Variants in GRM7 observed in about 807,000 individuals in gnomAD.
The protein encoded by GRM7 is glutamate metabotropic receptor 7.
A neutral mutation model predicts 84.5 loss-of-function variants in GRM7; 35 were observed. The observed-to-expected ratio is 0.41, with a 90% CI of 0.32 to 0.55. The LOEUF (loss-of-function observed/expected upper bound fraction) is 0.55. GRM7 is among the 20% of genes least tolerant of loss of function. The probability of loss-of-function intolerance (pLI) is 0.19; values close to 1 mark genes in which losing one functional copy is unlikely to be tolerated. For synonymous variants in GRM7, 487 were observed against 455.1 expected (o/e 1.07, Z -0.89); for missense variants, 1,003 against 1,194.6 (o/e 0.84, Z 2.36).
chr3:7,222,350 G>T (rs1051028667), intron 2 of GRM7, among the ~76,000 whole-genome samples: 6 of 151,908 alleles, frequency 3.9e-5, no homozygotes, highest in African/African-American at 1.5e-4. Flanking sequence ...AAAAGGACCT[G>T]ACTCCCAACC....
intron 1 of GRM7, among the ~76,000 whole-genome samples, chr3:6,867,511 C>A (rs975164660): frequency 5.3e-5 from 8 of 152,106 alleles, no homozygotes; most frequent in African/African-American, 1.7e-4. Context: ...TAAAGCAAAT[C>A]TTTTGTTGAT....
intron 8 of GRM7, among the ~76,000 whole-genome samples, chr3:7,677,039 A>T (rs1363276028): frequency 6.6e-6 from 1 of 152,022 alleles, no homozygotes; most frequent in Non-Finnish European, 1.5e-5. Context: ...AGGCAGGAGG[A>T]TCACGAGGTC....
chr3:7,047,456 A>C (rs1160177675), intron 1 of GRM7, among the ~76,000 whole-genome samples: 1 of 152,082 alleles, frequency 6.6e-6, no homozygotes, highest in Non-Finnish European at 1.5e-5. Flanking sequence ...TCCAACCACC[A>C]TCTCTCTCAC....
At chr3:7,634,451 A>T (rs1269539504) in intron 8 of GRM7, among the ~76,000 whole-genome samples, 1 of 145,274 alleles carries the variant, frequency 6.9e-6, no homozygotes, top group Non-Finnish European at 1.5e-5. Flanking sequence ...GGGTTGAATG[A>T]TGGAAATCCA....
chr3:6,959,049 T>C (rs1172204968), intron 1 of GRM7, among the ~76,000 whole-genome samples: 1 of 152,232 alleles, frequency 6.6e-6, no homozygotes, highest in Non-Finnish European at 1.5e-5. Flanking sequence ...AGGAAATTTT[T>C]GATGGTGAAA....
chr3:7,269,450 C>G (rs992532946), intron 2 of GRM7, among the ~76,000 whole-genome samples: 1 of 152,130 alleles, frequency 6.6e-6, no homozygotes, highest in African/African-American at 2.4e-5. Context: ...CTGAACCCCC[C>G]CCCCAGAGAG....
At chr3:7,412,345 A>G (rs1485080305) in intron 4 of GRM7, among the ~76,000 whole-genome samples, 2 of 152,132 alleles carry the variant, frequency 1.3e-5, no homozygotes, top group Non-Finnish European at 2.9e-5. Flanking sequence ...CGCCATCAAT[A>G]TCTGTTAGCT....
intron 9 of GRM7, among the ~76,000 whole-genome samples, chr3:7,731,711 C>T (rs1186856567): frequency 6.6e-6 from 1 of 152,150 alleles, no homozygotes; most frequent in Non-Finnish European, 1.5e-5. Context: ...CATGCAATTT[C>T]CCCAATTACA....
At chr3:7,380,621 G>C (rs1035277821) in intron 4 of GRM7, among the ~76,000 whole-genome samples, 44 of 152,296 alleles carry the variant, frequency 2.9e-4, no homozygotes, top group Non-Finnish European at 2.2e-4. Context: ...AGCAAGGTGA[G>C]CAAGAAGGAG....
At chr3:7,382,006 A>G (rs1694609827) in intron 4 of GRM7, among the ~76,000 whole-genome samples, 1 of 152,180 alleles carries the variant, frequency 6.6e-6, no homozygotes, top group African/African-American at 2.4e-5. Context: ...TTTAAAGTCC[A>G]TGACCCAAAA....
intron 8 of GRM7, among the ~76,000 whole-genome samples, chr3:7,662,960 A>G (rs1423515034): frequency 6.6e-6 from 1 of 152,210 alleles, no homozygotes; most frequent in Non-Finnish European, 1.5e-5. Flanking sequence ...AGAGATGCTG[A>G]TGTGACTTAG....
chr3:7,398,310 GGTTTGAAATCA>G (rs1695299165), intron 4 of GRM7, among the ~76,000 whole-genome samples: 1 of 152,074 alleles, frequency 6.6e-6, no homozygotes, highest in African/African-American at 2.4e-5. Flanking sequence ...TGAAACGAAA[GGTTTGAAATCA>G]GATAATTTAT....
At chr3:7,361,236 G>C (rs1693648015) in intron 4 of GRM7, among the ~76,000 whole-genome samples, 1 of 151,874 alleles carries the variant, frequency 6.6e-6, no homozygotes, top group African/African-American at 2.4e-5. Context: ...TTTTTAACTA[G>C]ATTATTTTTA....
At chr3:7,428,891 C>T (rs1165812357) in intron 5 of GRM7, among the ~76,000 whole-genome samples, 1 of 152,078 alleles carries the variant, frequency 6.6e-6, no homozygotes, top group Non-Finnish European at 1.5e-5. Flanking sequence ...GACTTCGTAT[C>T]CTATCGTTTG....
Position 7,012,114 on chromosome 3 carries a change from G to A in GRM7, c.520-134338G>A, listed in dbSNP as rs1294445731. Among the ~76,000 whole-genome samples, 3 of 152,054 alleles carry A rather than the reference G, an allele frequency of 2.0e-5. No individual in the cohort carries two copies. In the South Asian group the frequency reaches 6.2e-4, roughly 32 times the overall value. On this transcript the variant is annotated intron_variant, in intron 1 of 9. Coordinates refer to ENST00000357716, the MANE Select transcript of GRM7 (RefSeq NM_000844.4). ...ACCCTGACTCTTGGTTTTCTAGTTGGTACTTGGTAAAAGTCTGTTTCCCTA... is the reference window on the plus strand; with the variant it reads ...ACCCTGACTCTTGGTTTTCTAGTTGATACTTGGTAAAAGTCTGTTTCCCTA...
chr3:7,234,994 TATA>T (rs1697304335), intron 2 of GRM7, among the ~76,000 whole-genome samples: 1 of 152,202 alleles, frequency 6.6e-6, no homozygotes, highest in Non-Finnish European at 1.5e-5. Context: ...CTTAACTCTT[TATA>T]ATATTTATGT....
intron 2 of GRM7, among the ~76,000 whole-genome samples, chr3:7,181,835 T>G (rs1279024609): frequency 6.6e-6 from 1 of 152,072 alleles, no homozygotes; most frequent in East Asian, 1.9e-4. Context: ...GGTCTCAAAC[T>G]TTTGAGCTCA....
At chr3:7,432,946 G>C (rs960795567) in intron 5 of GRM7, among the ~76,000 whole-genome samples, 5 of 151,816 alleles carry the variant, frequency 3.3e-5, no homozygotes, top group African/African-American at 1.2e-4. Context: ...GGAAAAGAAG[G>C]AATTTATAAA....
chr3:7,383,210 A>G (rs1694656820), intron 4 of GRM7, among the ~76,000 whole-genome samples: 1 of 152,210 alleles, frequency 6.6e-6, no homozygotes, highest in East Asian at 1.9e-4. Context: ...ATTTAGATAC[A>G]ATAAATATCT....
Sources: gnomAD v4.1 joint callset for allele counts (sites outside exome capture counted in the v4.1 genomes callset) on GRCh38, gnomAD v4.1.1 for gene constraint, MANE v1.5 for transcripts, NCBI Gene and HGNC (gene_info 2026-07-23, HGNC 2026-07-21) for gene names.